Variants in IGF1R observed in about 807,000 individuals in gnomAD.
IGF1R encodes the protein insulin-like growth factor 1 receptor.
A neutral mutation model predicts 144.6 loss-of-function variants in IGF1R; 44 were observed. The observed-to-expected ratio is 0.30, with a 90% CI of 0.24 to 0.39. IGF1R has a LOEUF of 0.39. Ranked by LOEUF, IGF1R falls within the 10% of genes least tolerant of loss-of-function variation. The pLI, the probability that IGF1R is intolerant of heterozygous loss-of-function variation, is 1.00. For missense variants in IGF1R, 1,355 were observed against 1,833.7 expected, an observed-to-expected ratio of 0.74 and a Z score of 4.77; for synonymous variants, 795 against 722.8, an observed-to-expected ratio of 1.10 and a Z score of -1.60.
intron 2 of IGF1R, among the ~76,000 whole-genome samples, chr15:98,831,060 G>T (rs1275643339): frequency 6.6e-6 from 1 of 152,032 alleles, no homozygotes; most frequent in East Asian, 1.9e-4. Context: ...TGTGGGGAGG[G>T]CACCAAGCCC....
At chr15:98,882,105 C>T (rs1363147768) in intron 2 of IGF1R, among the ~76,000 whole-genome samples, 2 of 152,194 alleles carry the variant, frequency 1.3e-5, no homozygotes, top group Non-Finnish European at 2.9e-5. Context: ...CAAAAAAGAG[C>T]ATTTCTACAC....
chr15:98,953,890 G>C (rs1017490803), intron 20 of IGF1R, among the ~76,000 whole-genome samples: 1 of 152,152 alleles, frequency 6.6e-6, no homozygotes, highest in Non-Finnish European at 1.5e-5. Context: ...CAGGAAGGGC[G>C]CTCCTGCTCA....
intron 2 of IGF1R, among the ~76,000 whole-genome samples, chr15:98,850,239 G>A (rs1191464259): frequency 6.6e-6 from 1 of 152,232 alleles, no homozygotes; most frequent in East Asian, 1.9e-4. Flanking sequence ...GCTGGCAGGT[G>A]GGCATGGTGG....
In IGF1R at chr15:98,908,902, G is replaced by A. The variant is rs1413117052; in HGVS notation, c.1462+3G>A. The A allele has an allele frequency of 1.1e-5, 17 of 1,612,346 alleles. No individual in the cohort carries two copies. The highest frequency in any genetic ancestry group is 1.3e-5 in the African/African-American group (1 of 74,924). On this transcript the variant is annotated splice_donor_region_variant and intron_variant, in intron 6 of 20. Transcript: ENST00000650285. ...GAACAACGGGGAGAGAGCCTCCTGT[G>A]AGTGACAGCATCCAAAACACCGTGG...
At position 98,961,525 on chromosome 15, in the gene IGF1R, T is replaced by A. The variant is rs2017225563; in HGVS notation, c.*4083T>A. On this transcript the variant is annotated 3_prime_UTR_variant, in exon 21 of 21. Transcript: ENST00000650285. ...TAGCCTAACTTCATGCTGATTTCTC[T>A]GCCTCTTGATTTTTCTCTGTGTGTT... 4.3e-6 allele frequency: 1 copy of A among 233,530 alleles called. No homozygotes were observed. The highest frequency in any genetic ancestry group is 1.8e-4 in the South Asian group (1 of 5,532). 14.5% of individuals were successfully genotyped at this position (233,530 alleles called of 1,614,324 possible).
At chr15:98,811,991 C>T (rs1291602303) in intron 2 of IGF1R, among the ~76,000 whole-genome samples, 1 of 152,248 alleles carries the variant, frequency 6.6e-6, no homozygotes, top group African/African-American at 2.4e-5. Flanking sequence ...TTTCTGTGCC[C>T]TCTGAATATT....
intron 1 of IGF1R, among the ~76,000 whole-genome samples, chr15:98,706,668 A>C (rs1175349600): frequency 6.6e-6 from 1 of 152,082 alleles, no homozygotes; most frequent in Admixed American, 6.6e-5. Flanking sequence ...GTAGAAGGAC[A>C]TGTATTGACC....
chr15:98,896,992 A>G (rs527491835), intron 4 of IGF1R, 87 bp downstream of exon 4: 1 of 1,283,192 alleles, frequency 7.8e-7, no homozygotes, highest in South Asian at 1.2e-5. Context: ...CTGAGTCACC[A>G]CTAAAATATG....
intron 2 of IGF1R, among the ~76,000 whole-genome samples, chr15:98,731,736 T>G (rs1426629423): frequency 6.6e-6 from 1 of 152,200 alleles, no homozygotes; most frequent in African/African-American, 2.4e-5. Context: ...CTGTGTTAGC[T>G]CTTCTCTGGT....
At chr15:98,917,579 CCAGTGTACATCAA>C (rs1314764608) in intron 10 of IGF1R, among the ~76,000 whole-genome samples, 1 of 152,136 alleles carries the variant, frequency 6.6e-6, no homozygotes, top group Non-Finnish European at 1.5e-5. Context: ...ATCTGGAAAC[CCAGTGTACATCAA>C]CAGGTGAGTG....
At chr15:98,856,445 G>T (rs1440738118) in intron 2 of IGF1R, among the ~76,000 whole-genome samples, 1 of 152,200 alleles carries the variant, frequency 6.6e-6, no homozygotes, top group African/African-American at 2.4e-5. Context: ...AGGGGCAGAT[G>T]CAATAGCATA....
At chr15:98,726,366 G>C (rs2054360546) in intron 2 of IGF1R, among the ~76,000 whole-genome samples, 1 of 152,120 alleles carries the variant, frequency 6.6e-6, no homozygotes, top group Non-Finnish European at 1.5e-5. Context: ...GGCTTGTCTT[G>C]CTCTGAAGAA....
At chr15:98,896,405 A>T (rs1412347658) in intron 3 of IGF1R, among the ~76,000 whole-genome samples, 1 of 151,646 alleles carries the variant, frequency 6.6e-6, no homozygotes, top group African/African-American at 2.4e-5. Flanking sequence ...TTCCTCCAGA[A>T]CCCCCCAAGC....
chr15:98,753,475 C>T (rs1189030385), intron 2 of IGF1R, among the ~76,000 whole-genome samples: 1 of 149,404 alleles, frequency 6.7e-6, no homozygotes, highest in Non-Finnish European at 1.5e-5. Context: ...TCAAGCGATC[C>T]ACCTGCCTTG....
intron 2 of IGF1R, among the ~76,000 whole-genome samples, chr15:98,712,784 A>AT (rs1315712536): frequency 6.6e-6 from 1 of 150,926 alleles, no homozygotes; most frequent in African/African-American, 2.4e-5. Context: ...TAATTTTTGT[A>AT]TTTTTAGTAG....
At chr15:98,850,141 G>A (rs950922878) in intron 2 of IGF1R, among the ~76,000 whole-genome samples, 2 of 152,204 alleles carry the variant, frequency 1.3e-5, no homozygotes, top group Non-Finnish European at 2.9e-5. Flanking sequence ...CCATCACTGA[G>A]GGAATAAGTA....
At chr15:98,771,918 TA>T (rs1426945686) in intron 2 of IGF1R, among the ~76,000 whole-genome samples, 1 of 151,110 alleles carries the variant, frequency 6.6e-6, no homozygotes, top group African/African-American at 2.5e-5. Flanking sequence ...TTTTTTTTTT[TA>T]AATAGGTAGG....
chr15:98,955,944 G>A (rs1345083445), intron 20 of IGF1R, among the ~76,000 whole-genome samples: 1 of 152,254 alleles, frequency 6.6e-6, no homozygotes, highest in African/African-American at 2.4e-5. Context: ...GAGAACAGAC[G>A]TGGAAAGGAA....
At chr15:98,758,587 C>G (rs761944129) in intron 2 of IGF1R, among the ~76,000 whole-genome samples, 1 of 152,226 alleles carries the variant, frequency 6.6e-6, no homozygotes, top group African/African-American at 2.4e-5. Flanking sequence ...TGGAAGCCCC[C>G]CTTCCCTCTG....
Sources: allele counts gnomAD v4.1 joint callset (sites outside exome capture counted in the v4.1 genomes callset), GRCh38; gene constraint gnomAD v4.1.1; transcripts MANE v1.5; gene names NCBI Gene and HGNC (gene_info 2026-07-23, HGNC 2026-07-21).